The following RPS6KA1 variants were observed in gnomAD, a reference collection of about 807,000 sequenced individuals.
The protein encoded by RPS6KA1 is ribosomal protein S6 kinase A1, also known as ribosomal protein S6 kinase alpha-1.
Under a neutral mutation model 91.3 loss-of-function variants are expected in RPS6KA1, and 48 were observed. The observed-to-expected ratio is 0.53, with a 90% confidence interval of 0.42 to 0.67. The LOEUF (loss-of-function observed/expected upper bound fraction) is 0.67, where lower values mean the gene tolerates loss of function less well. RPS6KA1 is among the 30% of genes least tolerant of loss of function. The probability of loss-of-function intolerance (pLI) is 0.00; values close to 1 mark genes in which losing one functional copy is unlikely to be tolerated. For missense variants in RPS6KA1, 719 were observed against 960.5 expected, an observed-to-expected ratio of 0.75 and a Z score of 3.32; for synonymous variants, 359 against 384.7, an observed-to-expected ratio of 0.93 and a Z score of 0.78.
chr1:26,559,009 GGACAGAACCAGGT>G, intron 14 of RPS6KA1, 72 bp downstream of exon 14: 1 of 1,549,452 alleles, frequency 6.5e-7, no homozygotes, highest in East Asian at 2.3e-5. Context: ...GCTCTGAGTT[GGACAGAACCAGGT>G]TCATACCCTC....
chr1:26,539,922 C>T (rs1398207999), intron 2 of RPS6KA1, among the ~76,000 whole-genome samples: 1 of 152,226 alleles, frequency 6.6e-6, no homozygotes, highest in African/African-American at 2.4e-5. Context: ...CCCCTCCCCT[C>T]CTCTCTTCCT....
chr1:26,539,118 C>T (rs776837958), intron 2 of RPS6KA1, among the ~76,000 whole-genome samples: 7 of 152,218 alleles, frequency 4.6e-5, no homozygotes, highest in Non-Finnish European at 1.0e-4. Flanking sequence ...CACATAGAAC[C>T]TCTGCTCTGT....
At chr1:26,567,633 C>T (rs1300518403) in intron 17 of RPS6KA1, among the ~76,000 whole-genome samples, 1 of 152,126 alleles carries the variant, frequency 6.6e-6, no homozygotes, top group Non-Finnish European at 1.5e-5. Context: ...CCCGCCTTGG[C>T]CTTCCAAAGT....
intron 4 of RPS6KA1, among the ~76,000 whole-genome samples, chr1:26,549,720 G>A (rs993808622): frequency 8.2e-6 from 1 of 122,042 alleles, no homozygotes; most frequent in Non-Finnish European, 1.6e-5. Flanking sequence ...TTTCTTTCCC[G>A]AGATGGAGTC....
At position 26,554,890 on chromosome 1, in the gene RPS6KA1, T is replaced by A. The variant is rs1026732546; in HGVS notation, c.756+152T>A. The A allele has an allele frequency of 8.7e-7, 1 of 1,151,762 alleles. No individual in the cohort carries two copies. Among genetic ancestry groups the A allele is most frequent in the Non-Finnish European group, 1.2e-6 (1 of 815,386 alleles). The allele number at this position is 1,151,762 out of a possible 1,614,324, so 71.3% of individuals were successfully genotyped here. A position where few individuals can be genotyped will look rare whatever the true frequency, so the allele number is the denominator to read the frequency against. On this transcript the variant is annotated intron_variant, in intron 9 of 21. Coordinates refer to ENST00000374168, the MANE Select transcript of RPS6KA1 (RefSeq NM_002953.4). This position sits in a 1 kb window ranked among gnomAD's most constrained non-coding sequence, Gnocchi z 4.6. ...ACCCTATATGCACCTGCAGTTTTCT[T>A]CCTTGGAAGGATCCCAGGCTTGACC...
rs1173028382 is a variant in RPS6KA1, at chr1:26,540,072, CA to C, written c.108+3104del. On this transcript the variant is annotated intron_variant, in intron 2 of 21. Transcript: ENST00000374168. This position sits in a 1 kb window ranked among gnomAD's most constrained non-coding sequence, Gnocchi z 4.2. ...TTCCCTTGGCCTGGTCAGAGAAGGC[CA>C]GCCACCCTCCTAGTACCTGGGGCCC... Among the ~76,000 whole-genome samples, 2 of 152,210 alleles carry C rather than the reference CA, an allele frequency of 1.3e-5. No homozygotes were observed. The highest frequency in any genetic ancestry group is 2.9e-5 in the Non-Finnish European group (2 of 68,042).
At chr1:26,569,259 G>A (rs1156526121) in intron 17 of RPS6KA1, among the ~76,000 whole-genome samples, 2 of 152,158 alleles carry the variant, frequency 1.3e-5, no homozygotes, top group African/African-American at 4.8e-5. Context: ...CCGCCGAGGT[G>A]CAGTGGATGG....
intron 17 of RPS6KA1, among the ~76,000 whole-genome samples, chr1:26,563,313 ACCT>A: frequency 6.6e-6 from 1 of 151,410 alleles, no homozygotes; most frequent in Non-Finnish European, 1.5e-5. Context: ...TGCAGCCTTG[ACCT>A]CCTTGCGCTC....
intron 17 of RPS6KA1, among the ~76,000 whole-genome samples, chr1:26,570,849 G>C (rs1003297415): frequency 6.6e-6 from 1 of 152,194 alleles, no homozygotes; most frequent in Middle Eastern, 3.2e-3. Context: ...AGGGCCAGGC[G>C]TGGTGGCTCA....
chr1:26,560,066 T>A (rs896938335), intron 14 of RPS6KA1, among the ~76,000 whole-genome samples: 2 of 152,124 alleles, frequency 1.3e-5, no homozygotes, highest in Non-Finnish European at 2.9e-5. Flanking sequence ...TCTCAAAAAA[T>A]AAATAAATAA....
At chr1:26,556,485 T>G (rs540587105) in intron 11 of RPS6KA1, among the ~76,000 whole-genome samples, 169 bp from the exon 12 acceptor site, 2 of 152,278 alleles carry the variant, frequency 1.3e-5, no homozygotes, top group East Asian at 3.9e-4. Context: ...AAATGCTGAG[T>G]AGGTGACAGG....
intron 1 of RPS6KA1, chr1:26,531,285 C>T (rs1365762638): frequency 6.5e-6 from 1 of 152,756 alleles, no homozygotes; most frequent in Middle Eastern, 3.1e-3. Context: ...GGTTCTCTCG[C>T]TGACTCACCC....
chr1:26,534,923 T>G (rs1443684730), intron 1 of RPS6KA1, among the ~76,000 whole-genome samples: 4 of 152,156 alleles, frequency 2.6e-5, no homozygotes, highest in African/African-American at 9.7e-5. Context: ...GTTTGGGGCC[T>G]GGTACATAGA....
chr1:26,538,553 A>C (rs17162184), intron 2 of RPS6KA1, among the ~76,000 whole-genome samples: 4,926 of 152,232 alleles, frequency 0.032, 246 homozygotes, highest in African/African-American at 0.11. Flanking sequence ...AATGCCACTT[A>C]AGGAAGAGAA....
Position 26,574,570 on chromosome 1 carries a change from G to A in RPS6KA1, c.*369G>A, listed in dbSNP as rs1044582743. 5 of 418,254 alleles carry A rather than the reference G, an allele frequency of 1.2e-5. No individual in the cohort carries two copies. The highest frequency in any genetic ancestry group is 8.2e-5 in the African/African-American group (4 of 48,820). The allele number at this position is 418,254 out of a possible 1,614,324, so 25.9% of individuals were successfully genotyped here. On this transcript the variant is annotated 3_prime_UTR_variant, in exon 22 of 22. Coordinates refer to ENST00000374168, the MANE Select transcript of RPS6KA1 (RefSeq NM_002953.4). This position sits in a 1 kb window ranked among gnomAD's most constrained non-coding sequence, Gnocchi z 4.3. The stretch of plus-strand genomic sequence containing the variant: ...GGGCTCTCTGAGACTCTTTAGAGCA[G>A]CTTTGGGATCCCACCCTGGGGACCC...
At chr1:26,559,371 G>C (rs1270856694) in intron 14 of RPS6KA1, among the ~76,000 whole-genome samples, 2 of 151,842 alleles carry the variant, frequency 1.3e-5, no homozygotes, top group African/African-American at 2.4e-5. Flanking sequence ...GGGGTTTTTT[G>C]TTTGTTTGTT....
chr1:26,556,269 C>T (rs552827387), intron 11 of RPS6KA1: 2 of 266,272 alleles, frequency 7.5e-6, no homozygotes, highest in South Asian at 1.1e-4. Flanking sequence ...GGAGTAACAG[C>T]CTGTCCTATG....
At chr1:26,550,142 G>A (rs988165756) in intron 4 of RPS6KA1, among the ~76,000 whole-genome samples, 3 of 146,428 alleles carry the variant, frequency 2.0e-5, no homozygotes, top group Non-Finnish European at 4.5e-5. Flanking sequence ...GCCTCCCAAA[G>A]TGCTAGTATT....
intron 14 of RPS6KA1, 47 bp from the exon 15 acceptor site, chr1:26,560,678 CT>C: frequency 1.2e-6 from 2 of 1,613,130 alleles, no homozygotes; most frequent in Non-Finnish European, 1.7e-6. Flanking sequence ...GGGATGACCC[CT>C]AGCACTCTAG....
Sources: allele counts gnomAD v4.1 joint callset (sites outside exome capture counted in the v4.1 genomes callset), GRCh38; gene constraint gnomAD v4.1.1; non-coding constraint Gnocchi (gnomAD v3.1); transcripts MANE v1.5; gene names NCBI Gene and HGNC (gene_info 2026-07-23, HGNC 2026-07-21).